DLG2: variants seen among roughly 807,000 people sequenced by gnomAD.
DLG2 encodes the protein discs large MAGUK scaffold protein 2.
In DLG2, 45 loss-of-function variants were observed where a neutral mutation model predicts 132.5. The ratio of observed to expected loss-of-function variants is 0.34; its 90% CI spans 0.27 to 0.44. The LOEUF is 0.44. Ranked by LOEUF, DLG2 falls within the 20% of genes least tolerant of loss-of-function variation. The pLI is 1.00. For synonymous variants in DLG2, 424 were observed against 419.6 expected, an observed-to-expected ratio of 1.01 and a Z score of -0.13; for missense variants, 1,045 against 1,196.9, an observed-to-expected ratio of 0.87 and a Z score of 1.87.
At chr11:84,263,101 T>G (rs2097568624) in intron 7 of DLG2, among the ~76,000 whole-genome samples, 1 of 152,146 alleles carries the variant, frequency 6.6e-6, no homozygotes, top group Non-Finnish European at 1.5e-5. Flanking sequence ...AATTCAGCAG[T>G]TTACTGAGTC....
chr11:85,230,336 A>G (rs2075229597), intron 4 of DLG2, among the ~76,000 whole-genome samples: 1 of 124,382 alleles, frequency 8.0e-6, no homozygotes. Flanking sequence ...ATCTAAGTTT[A>G]TATTTTGTAT....
At chr11:84,541,515 A>G (rs1402209813) in intron 6 of DLG2, among the ~76,000 whole-genome samples, 5 of 152,032 alleles carry the variant, frequency 3.3e-5, no homozygotes, top group Non-Finnish European at 7.4e-5. Flanking sequence ...TTATGCTCCC[A>G]TAGTGTTCTG....
intron 9 of DLG2, among the ~76,000 whole-genome samples, chr11:84,132,082 A>G (rs955668985): frequency 2.6e-5 from 4 of 151,962 alleles, no homozygotes; most frequent in African/African-American, 9.7e-5. Context: ...TCTCACATGA[A>G]GCTTTCCAAC....
intron 6 of DLG2, among the ~76,000 whole-genome samples, chr11:84,586,032 T>C (rs183714927): frequency 6.6e-6 from 1 of 151,914 alleles, no homozygotes; most frequent in Admixed American, 6.6e-5. Flanking sequence ...ATGCCTGTAA[T>C]CCCAGCTACT....
At chr11:83,864,428 T>C (rs1224300574) in intron 16 of DLG2, among the ~76,000 whole-genome samples, 1 of 152,170 alleles carries the variant, frequency 6.6e-6, no homozygotes, top group Non-Finnish European at 1.5e-5. Flanking sequence ...GTTGAACAAA[T>C]GCATAAGAAG....
At chr11:85,528,539 A>C (rs1185854352) in intron 3 of DLG2, among the ~76,000 whole-genome samples, 1 of 152,240 alleles carries the variant, frequency 6.6e-6, no homozygotes. Context: ...TGTTGGCAGT[A>C]GAGTAAACTG....
chr11:85,513,733 C>T (rs556338643), intron 3 of DLG2, among the ~76,000 whole-genome samples: 1 of 151,888 alleles, frequency 6.6e-6, no homozygotes, highest in Non-Finnish European at 1.5e-5. Flanking sequence ...ACTGGTCTTG[C>T]TGTCATGCCA....
At chr11:84,785,829 C>T (rs775325364) in intron 6 of DLG2, among the ~76,000 whole-genome samples, 22 of 151,806 alleles carry the variant, frequency 1.4e-4, no homozygotes, top group East Asian at 7.8e-4. Context: ...GGTAGGCTTT[C>T]GAGTCCTTTT....
intron 8 of DLG2, among the ~76,000 whole-genome samples, chr11:84,201,374 A>G (rs2096590236): frequency 6.6e-6 from 1 of 152,168 alleles, no homozygotes; most frequent in Non-Finnish European, 1.5e-5. Flanking sequence ...TTTTGCATCA[A>G]TGTTCATCAA....
intron 12 of DLG2, among the ~76,000 whole-genome samples, chr11:83,970,167 A>T (rs2091044437): frequency 6.6e-6 from 1 of 152,220 alleles, no homozygotes; most frequent in South Asian, 2.1e-4. Context: ...CTCTCCTCAG[A>T]GTATGGAAAC....
chr11:83,593,571 C>G (rs1320594222), intron 19 of DLG2, among the ~76,000 whole-genome samples: 5 of 148,700 alleles, frequency 3.4e-5, no homozygotes, highest in Admixed American at 6.7e-5. Flanking sequence ...GTGCAGTGCA[C>G]CAGCATGGCA....
intron 6 of DLG2, among the ~76,000 whole-genome samples, chr11:84,561,287 G>C (rs141127737): frequency 2.4e-4 from 37 of 152,128 alleles, no homozygotes; most frequent in African/African-American, 8.2e-4. Flanking sequence ...GAGAACTCCT[G>C]ATCCTATAGA....
intron 16 of DLG2, among the ~76,000 whole-genome samples, chr11:83,838,808 A>G (rs1202974571): frequency 6.6e-6 from 1 of 151,378 alleles, no homozygotes; most frequent in South Asian, 2.1e-4. Context: ...CTGTCATTGT[A>G]CCACATTTGC....
intron 6 of DLG2, among the ~76,000 whole-genome samples, chr11:84,778,177 T>C (rs965926737): frequency 2.0e-5 from 3 of 152,162 alleles, no homozygotes; most frequent in African/African-American, 7.2e-5. Flanking sequence ...CATATGGTAA[T>C]CCGATTTTCC....
intron 11 of DLG2, among the ~76,000 whole-genome samples, chr11:84,002,892 G>A (rs1351641597): frequency 6.6e-6 from 1 of 152,134 alleles, no homozygotes; most frequent in East Asian, 1.9e-4. Flanking sequence ...AGGTTGCAAA[G>A]TTTTCAAACT....
At chr11:84,631,267 A>G (rs1319468631) in intron 6 of DLG2, among the ~76,000 whole-genome samples, 1 of 152,106 alleles carries the variant, frequency 6.6e-6, no homozygotes, top group African/African-American at 2.4e-5. Context: ...AGCCCATAAA[A>G]AAAAATCTAA....
intron 4 of DLG2, among the ~76,000 whole-genome samples, chr11:85,200,279 C>T (rs1237175811): frequency 6.6e-6 from 1 of 152,178 alleles, no homozygotes; most frequent in African/African-American, 2.4e-5. Context: ...AACCATCTGA[C>T]ACGGGGTTGA....
intron 3 of DLG2, among the ~76,000 whole-genome samples, chr11:85,520,878 A>G (rs551976169): frequency 6.6e-6 from 1 of 152,146 alleles, no homozygotes; most frequent in Admixed American, 6.6e-5. Flanking sequence ...CGGATTAAAG[A>G]CTTAAATACC....
intron 7 of DLG2, among the ~76,000 whole-genome samples, chr11:84,399,518 T>A (rs189294121): frequency 6.6e-6 from 1 of 152,248 alleles, no homozygotes; most frequent in Non-Finnish European, 1.5e-5. Flanking sequence ...CTCTGCCTCC[T>A]GAGTTCAAGC....
Sources: gnomAD v4.1 joint callset for allele counts (sites outside exome capture counted in the v4.1 genomes callset) on GRCh38, gnomAD v4.1.1 for gene constraint, MANE v1.5 for transcripts, NCBI Gene and HGNC (gene_info 2026-07-23, HGNC 2026-07-21) for gene names.